The following GNA11 variants were observed in gnomAD, a reference collection of about 807,000 sequenced individuals.
GNA11 encodes the protein guanine nucleotide-binding protein subunit alpha-11.
Under a neutral mutation model 38.2 loss-of-function variants are expected in GNA11, and 8 were observed. That is an observed-to-expected ratio of 0.21 (90% confidence interval 0.12 to 0.38). GNA11 has a LOEUF of 0.38. Ranked by LOEUF, GNA11 falls within the 10% of genes least tolerant of loss-of-function variation. The pLI is 1.00. For synonymous variants in GNA11, 211 were observed against 221.4 expected (o/e 0.95, Z 0.42); for missense variants, 268 against 516.3 (o/e 0.52, Z 4.66).
intron 1 of GNA11, among the ~76,000 whole-genome samples, chr19:3,099,479 C>T (rs777774706): frequency 7.9e-5 from 12 of 152,180 alleles, no homozygotes; most frequent in African/African-American, 2.4e-4. Flanking sequence ...GGTTTGCTGG[C>T]GTGCAGGTGG....
rs751267772 is a variant in GNA11 at position 3,118,912 on chromosome 19, G to T, written c.606-12G>T. On this transcript the variant is annotated splice_polypyrimidine_tract_variant and intron_variant, in intron 4 of 6. Transcript: ENST00000078429. ...CGCCAGGTGGCTGAGTCCTGGCGCTGTGTCCTTTCAGGATGGTGGATGTGG... is the reference window on the plus strand; with the variant it reads ...CGCCAGGTGGCTGAGTCCTGGCGCTTTGTCCTTTCAGGATGGTGGATGTGG... 2 of 1,607,258 alleles carry T rather than the reference G, an allele frequency of 1.2e-6. No homozygotes were observed. The highest frequency in any genetic ancestry group is 1.7e-6 in the Non-Finnish European group (2 of 1,178,894).
At chr19:3,101,222 C>T (rs1599297006) in intron 1 of GNA11, among the ~76,000 whole-genome samples, 2 of 152,162 alleles carry the variant, frequency 1.3e-5, no homozygotes, top group Admixed American at 1.3e-4. Context: ...TATTGTTAAC[C>T]GTGTCCACAC....
In GNA11 at chr19:3,094,569, G is replaced by T; in HGVS notation, c.-83G>T. 1 of 627,920 alleles carries T rather than the reference G, an allele frequency of 1.6e-6. No homozygotes were observed. The highest frequency in any genetic ancestry group is 6.7e-5 in the South Asian group (1 of 14,830). 38.9% of individuals were successfully genotyped at this position (627,920 alleles called of 1,614,324 possible). The stretch of plus-strand genomic sequence containing the variant: ...AGGCCGGAGGGCCGCGGCGGGCGGC[G>T]GCCGAGGCGGCTCCGGCCAGGGCCG... On this transcript the variant is annotated 5_prime_UTR_variant, in exon 1 of 7. Coordinates refer to ENST00000078429, the MANE Select transcript of GNA11 (RefSeq NM_002067.5). This position sits in a 1 kb window ranked among gnomAD's most constrained non-coding sequence, Gnocchi z 6.0.
intron 4 of GNA11, among the ~76,000 whole-genome samples, chr19:3,116,655 C>T (rs568568041): frequency 2.0e-5 from 3 of 152,340 alleles, no homozygotes; most frequent in African/African-American, 7.2e-5. Flanking sequence ...AGATCAGAGC[C>T]GTCCCCGGGT....
intron 2 of GNA11, among the ~76,000 whole-genome samples, chr19:3,112,622 G>C (rs1913802253): frequency 2.6e-5 from 4 of 152,268 alleles, no homozygotes. Context: ...CTTTGTGACA[G>C]GGCAGCAAGC....
At chr19:3,101,882 C>A (rs1964411639) in intron 1 of GNA11, among the ~76,000 whole-genome samples, 1 of 152,062 alleles carries the variant, frequency 6.6e-6, no homozygotes, top group African/African-American at 2.4e-5. Flanking sequence ...TCACTCAAGT[C>A]CAGGAGTTCG....
intron 1 of GNA11, among the ~76,000 whole-genome samples, chr19:3,103,531 T>G (rs917753080): frequency 4.1e-5 from 5 of 121,904 alleles, no homozygotes; most frequent in African/African-American, 9.3e-5. Flanking sequence ...TTTTTTTTTT[T>G]TTTTTTTTTT....
intron 3 of GNA11, among the ~76,000 whole-genome samples, chr19:3,114,123 C>T (rs982706499): frequency 6.6e-6 from 1 of 152,138 alleles, no homozygotes; most frequent in African/African-American, 2.4e-5. Context: ...AGGCCTGTCC[C>T]CCGCCCCTCC....
rs190067298 is a variant in GNA11 at position 3,103,671 on chromosome 19, G to A, written c.137-6478G>A. Reference sequence around the variant, plus strand: ...CTCCTGAGTAGCTGGGATTACAAGCGCCCACTGCCACACCCAGCTAATTTT... The same window carrying A: ...CTCCTGAGTAGCTGGGATTACAAGCACCCACTGCCACACCCAGCTAATTTT... On this transcript the variant is annotated intron_variant, in intron 1 of 6. Transcript: ENST00000078429. 2.5e-3 allele frequency among the ~76,000 whole-genome samples: 373 copies of A among 150,900 alleles called. 4 individuals carry two copies. The highest frequency in any genetic ancestry group is 0.011 in the Admixed American group (165 of 15,142).
At chr19:3,102,265 C>T (rs72975258) in intron 1 of GNA11, among the ~76,000 whole-genome samples, 20,210 of 152,148 alleles carry the variant, frequency 0.13, 1,613 homozygotes, top group East Asian at 0.17. Flanking sequence ...CCCTGACCGG[C>T]GAGGGGCAGT....
Position 3,121,181 on chromosome 19 carries a change from C to A in GNA11, c.*2C>A, listed in dbSNP as rs76176076. ...CTCAAGGAGTACAACCTGGTCTGAGCGCCCAGGCCCAGGGAGACGGGATGG... is the reference window on the plus strand; with the variant it reads ...CTCAAGGAGTACAACCTGGTCTGAGAGCCCAGGCCCAGGGAGACGGGATGG... On this transcript the variant is annotated 3_prime_UTR_variant, in exon 7 of 7. Transcript: ENST00000078429. 4 of 1,608,642 alleles carry A rather than the reference C, an allele frequency of 2.5e-6. No homozygotes were observed. Among genetic ancestry groups the A allele is most frequent in the African/African-American group, 1.3e-5 (1 of 74,920 alleles).
chr19:3,102,893 C>T (rs551536482), intron 1 of GNA11, among the ~76,000 whole-genome samples: 20 of 152,336 alleles, frequency 1.3e-4, no homozygotes, highest in African/African-American at 4.3e-4. Flanking sequence ...CGCATGCACA[C>T]GCGTGGGCTG....
rs1016116166 is a variant in GNA11, at chr19:3,108,441, G to C, written c.137-1708G>C. Among the ~76,000 whole-genome samples the C allele has an allele frequency of 1.3e-5, 2 of 152,140 alleles. No homozygotes were observed. Among genetic ancestry groups the C allele is most frequent in the African/African-American group, 2.4e-5 (1 of 41,428 alleles). The stretch of plus-strand genomic sequence containing the variant: ...GCAGCTGTGATTGGAACAGCACTGT[G>C]GGCAGAGGGCAACAGCGTAGGACGT... On this transcript the variant is annotated intron_variant, in intron 1 of 6. Transcript: ENST00000078429. This position sits in a 1 kb window ranked among gnomAD's most constrained non-coding sequence, Gnocchi z 4.5.
In GNA11 at chr19:3,094,442, C is replaced by G. The variant is rs1913306279; in HGVS notation, c.-210C>G. On this transcript the variant is annotated 5_prime_UTR_variant, in exon 1 of 7. Coordinates refer to ENST00000078429, the MANE Select transcript of GNA11 (RefSeq NM_002067.5). This position sits in a 1 kb window ranked among gnomAD's most constrained non-coding sequence, Gnocchi z 6.0. ...CGGCGGCGCGGGCTGAGTGCGGCCGCGCGGGAGTCCGCGGCTGGCGCGGCC... is the reference window on the plus strand; with the variant it reads ...CGGCGGCGCGGGCTGAGTGCGGCCGGGCGGGAGTCCGCGGCTGGCGCGGCC... The G allele has an allele frequency of 6.8e-6, 1 of 146,844 alleles. No individual in the cohort carries two copies. The highest frequency in any genetic ancestry group is 1.5e-5 in the Non-Finnish European group (1 of 65,804). 9.1% of individuals were successfully genotyped at this position (146,844 alleles called of 1,614,324 possible). A position where few individuals can be genotyped will look rare whatever the true frequency, so the allele number is the denominator to read the frequency against.
chr19:3,094,901 T>G lies in GNA11; in HGVS notation c.136+114T>G, dbSNP rs1913325079. ...GTCAGCCCTGCCTGTGCCGTCCGGGTCGCGAGACCCTCCGGGGTCAGCCCT... is the reference window on the plus strand; with the variant it reads ...GTCAGCCCTGCCTGTGCCGTCCGGGGCGCGAGACCCTCCGGGGTCAGCCCT... On this transcript the variant is annotated intron_variant, in intron 1 of 6. Coordinates refer to ENST00000078429, the MANE Select transcript of GNA11 (RefSeq NM_002067.5). This position sits in a 1 kb window ranked among gnomAD's most constrained non-coding sequence, Gnocchi z 6.0. The G allele has an allele frequency of 1.0e-5, 7 of 702,866 alleles. No homozygotes were observed. Among genetic ancestry groups the G allele is most frequent in the East Asian group, 3.6e-5 (1 of 27,950 alleles). 43.5% of individuals were successfully genotyped at this position (702,866 alleles called of 1,614,324 possible).
chr19:3,096,824 C>A (rs553870462), intron 1 of GNA11, among the ~76,000 whole-genome samples: 1 of 152,122 alleles, frequency 6.6e-6, no homozygotes, highest in Non-Finnish European at 1.5e-5. Context: ...TGTGAGCTCA[C>A]GTGCGACCCA....
chr19:3,118,760 C>T lies in GNA11; in HGVS notation c.606-164C>T, dbSNP rs1028502581. ...TGGTCACCCCTGGAGGCGGTGCGGC[C>T]GCTCTCTGAGAGCGTCCTTGCCCGT... On this transcript the variant is annotated intron_variant, in intron 4 of 6. Transcript: ENST00000078429. 1.5e-4 allele frequency: 99 copies of T among 648,606 alleles called. 1 individual carries two copies. The Admixed American group carries it at 2.3e-3, about 15-fold the overall frequency. The allele number at this position is 648,606 out of a possible 1,614,324, so 40.2% of individuals were successfully genotyped here.
rs756612392 is a variant in GNA11, at chr19:3,119,346, C to T, written c.876C>T (p.Phe292=). Residue 292 remains phenylalanine (F), a synonymous_variant, in exon 6 of 7, where the codon TTC becomes TTT. Coordinates refer to ENST00000078429, the MANE Select transcript of GNA11 (RefSeq NM_002067.5). This position sits in a 1 kb window ranked among gnomAD's most constrained non-coding sequence, Gnocchi z 4.6. The part of the protein sequence containing the change: ...KILYSHLVDY[F]PEFDGPQRDA... The stretch of plus-strand genomic sequence containing the variant: ...TGTACTCGCACCTGGTGGACTACTT[C>T]CCCGAGTTCGATGGTGCGCCGGGCT... The T allele has an allele frequency of 3.7e-6, 6 of 1,613,554 alleles. No homozygotes were observed. The Admixed American group carries it at 8.3e-5, about 22-fold the overall frequency.
At chr19:3,109,617 G>T (rs1045162712) in intron 1 of GNA11, among the ~76,000 whole-genome samples, 2 of 152,212 alleles carry the variant, frequency 1.3e-5, no homozygotes, top group Non-Finnish European at 2.9e-5. Flanking sequence ...TGCTTGGTGC[G>T]CAGGGGGCAG....
Sources: allele counts gnomAD v4.1 joint callset (sites outside exome capture counted in the v4.1 genomes callset), GRCh38; gene constraint gnomAD v4.1.1; non-coding constraint Gnocchi (gnomAD v3.1); transcripts MANE v1.5; gene names NCBI Gene and HGNC (gene_info 2026-07-23, HGNC 2026-07-21).